Variants in ALKBH2 observed in about 807,000 individuals in gnomAD.
The protein encoded by ALKBH2 is alkB homolog 2, alpha-ketoglutarate dependent dioxygenase, also known as DNA oxidative demethylase ALKBH2.
Under a neutral mutation model 19.7 loss-of-function variants are expected in ALKBH2, and 19 were observed. That is an observed-to-expected ratio of 0.97 (90% CI 0.67 to 1.42). ALKBH2 has a LOEUF of 1.42. ALKBH2 is among the 40% of genes most tolerant of loss of function. The pLI, the probability that ALKBH2 is intolerant of heterozygous loss-of-function variation, is 0.00. For missense variants in ALKBH2, 310 were observed against 328.5 expected (o/e 0.94, Z 0.43); for synonymous variants, 135 against 131.2 (o/e 1.03, Z -0.20).
intron 3 of ALKBH2, chr12:109,089,748 CAAAAAAA>C (rs565703128): frequency 9.2e-5 from 37 of 402,784 alleles, no homozygotes; most frequent in South Asian, 9.0e-4. Context: ...AACCCTGTCT[CAAAAAAA>C]AAAAAGAAAG....
Position 109,092,706 on chromosome 12 carries a change from T to A in ALKBH2, c.81A>T (p.Pro27=). The change falls in exon 2 of 4, where the codon CCA becomes CCT. Residue 27 remains proline (P), a synonymous_variant. Transcript: ENST00000429722. ...QEEQEPTGEE[P]AVLGGDKEST... Reference sequence around the variant, plus strand: ...TTTCTTTGTCTCCTCCCAACACAGCTGGCTCTTCTCCAGTTGGCTCTTGCT... The same window carrying A: ...TTTCTTTGTCTCCTCCCAACACAGCAGGCTCTTCTCCAGTTGGCTCTTGCT... The A allele has an allele frequency of 6.2e-7, 1 of 1,614,060 alleles. No homozygotes were observed.
Position 109,092,430 on chromosome 12 carries a change from C to A in ALKBH2, c.280+77G>T, listed in dbSNP as rs1308391294. ...AATAATGGATCCTGAGTTCAGATTT[C>A]TCCAAACATACGATCATTAATTGCA... is the stretch of plus-strand genomic sequence containing the variant. On this transcript the variant is annotated intron_variant, in intron 2 of 3. Coordinates refer to ENST00000429722, the MANE Select transcript of ALKBH2 (RefSeq NM_001145374.2). The A allele has an allele frequency of 2.8e-6, 4 of 1,443,986 alleles. No homozygotes were observed. In the African/African-American group the frequency reaches 5.8e-5, roughly 21 times the overall value. 89.4% of individuals were successfully genotyped at this position (1,443,986 alleles called of 1,614,324 possible).
In ALKBH2 at chr12:109,088,291, C is replaced by T; in HGVS notation, c.701G>A (p.Trp234Ter). 1.9e-6 allele frequency: 3 copies of T among 1,614,164 alleles called. No homozygotes were observed. Among genetic ancestry groups the T allele is most frequent in the Non-Finnish European group, 2.5e-6 (3 of 1,180,034 alleles). The change falls in exon 4 of 4, where the codon TGG becomes TAG. Residue 234 changes from tryptophan (W) to a stop codon, truncating the protein, a stop_gained. Transcript: ENST00000429722. LOFTEE classifies it high-confidence loss of function. The surrounding 1 kb of genome is among the most constrained non-coding windows in gnomAD (Gnocchi z 4.2). ...LMMNHPTNTHWYHSLPVRKKV... is the reference protein window; with the variant it reads ...LMMNHPTNTH ...CTTTCTCACGGGAAGACTGTGGTAC[C>T]AGTGCGTGTTGGTCGGGTGGTTCAT...
chr12:109,089,409 G>C (rs1272880823), intron 3 of ALKBH2, among the ~76,000 whole-genome samples: 1 of 152,126 alleles, frequency 6.6e-6, no homozygotes, highest in Non-Finnish European at 1.5e-5. Context: ...GGTATTGGGG[G>C]GTGGGGGACA....
chr12:109,088,414 C>G lies in ALKBH2; in HGVS notation c.578G>C (p.Arg193Thr), dbSNP rs2042002304. The G allele has an allele frequency of 6.2e-7, 1 of 1,613,850 alleles. No homozygotes were observed. Among genetic ancestry groups the G allele is most frequent in the Admixed American group, 1.7e-5 (1 of 59,984 alleles). Residue 193 changes from arginine (R) to threonine (T), a missense_variant, in exon 4 of 4, where the codon AGA becomes ACA. Transcript: ENST00000429722. This position sits in a 1 kb window ranked among gnomAD's most constrained non-coding sequence, Gnocchi z 4.2. ...ATCCTTATGCCGGAAGACAAAGTCTCTGCAGGCACCGAAGGAGACAGAGGC... is the reference window on the plus strand; with the variant it reads ...ATCCTTATGCCGGAAGACAAAGTCTGTGCAGGCACCGAAGGAGACAGAGGC... ...PIASVSFGACRDFVFRHKDSR... is the reference protein window; with the variant it reads ...PIASVSFGACTDFVFRHKDSR...
Position 109,093,022 on chromosome 12 carries a change from A to G in ALKBH2, c.-151-85T>C, listed in dbSNP as rs141802675. 1,285 of 1,129,632 alleles carry G rather than the reference A, an allele frequency of 1.1e-3. 12 individuals are homozygous for G. In the African/African-American group the frequency reaches 0.019, roughly 17 times the overall value. 70.0% of individuals were successfully genotyped at this position (1,129,632 alleles called of 1,614,324 possible). A position where few individuals can be genotyped will look rare whatever the true frequency, so the allele number is the denominator to read the frequency against. On this transcript the variant is annotated intron_variant, in intron 1 of 3. Transcript: ENST00000429722. ...GGTCTCCCACGTCCACCTGTGCATCAGAATCAGCTGGCTAGCTTGCAAAAA... is the reference window on the plus strand; with the variant it reads ...GGTCTCCCACGTCCACCTGTGCATCGGAATCAGCTGGCTAGCTTGCAAAAA...
chr12:109,088,230 A>G lies in ALKBH2; in HGVS notation c.762T>C (p.Arg254=), dbSNP rs1482064186. Residue 254 remains arginine, a synonymous_variant, in exon 4 of 4, where the codon CGT becomes CGC. Coordinates refer to ENST00000429722, the MANE Select transcript of ALKBH2 (RefSeq NM_001145374.2). The surrounding 1 kb of genome is among the most constrained non-coding windows in gnomAD (Gnocchi z 4.2). ...VLAPRVNLTF[R]KILLTKK is the part of the protein sequence containing the mutation. The stretch of plus-strand genomic sequence containing the variant: ...TTTATTTTTTAGTAAGCAAAATTTT[A>G]CGAAAAGTCAGATTCACCCGTGGAG... The G allele has an allele frequency of 1.3e-6, 2 of 1,591,558 alleles. No individual in the cohort carries two copies. The highest frequency in any genetic ancestry group is 3.5e-5 in the Admixed American group (2 of 56,496).
In ALKBH2 at chr12:109,088,394, T is replaced by G; in HGVS notation, c.598A>C (p.Lys200Gln). Residue 200 changes from lysine (K) to glutamine (Q), a missense_variant, in exon 4 of 4, where the codon AAG becomes CAG. Transcript: ENST00000429722. This position sits in a 1 kb window ranked among gnomAD's most constrained non-coding sequence, Gnocchi z 4.2. ...GAGGGGCTTTTCCCACGGGAATCCTTATGCCGGAAGACAAAGTCTCTGCAG... is the reference window on the plus strand; with the variant it reads ...GAGGGGCTTTTCCCACGGGAATCCTGATGCCGGAAGACAAAGTCTCTGCAG... ...GACRDFVFRH[K>Q]DSRGKSPSRR... 2 of 1,613,618 alleles carry G rather than the reference T, an allele frequency of 1.2e-6. No individual in the cohort carries two copies. The highest frequency in any genetic ancestry group is 1.7e-6 in the Non-Finnish European group (2 of 1,179,960).
intron 2 of ALKBH2, among the ~76,000 whole-genome samples, chr12:109,091,119 C>T (rs1484925243): frequency 2.0e-5 from 3 of 152,106 alleles, no homozygotes; most frequent in Non-Finnish European, 4.4e-5. Context: ...GTGAGCCAGG[C>T]GCGCTGGCTC....
rs1488467744 is a variant in ALKBH2, at chr12:109,092,764, C to T, written c.23G>A (p.Gly8Glu). The change falls in exon 2 of 4, where the codon GGG becomes GAG. Residue 8 changes from glycine to glutamate, a missense_variant. Transcript: ENST00000429722. MDRFLVK[G>E]AQGGLLRKQE... ...CTTCCTCAAAAGGCCCCCTTGAGCC[C>T]CTTTCACCAGGAATCTGTCCATCCT... 1.2e-6 allele frequency: 2 copies of T among 1,613,532 alleles called. No homozygotes were observed. The highest frequency in any genetic ancestry group is 2.2e-5 in the East Asian group (1 of 44,884).
intron 1 of ALKBH2, 61 bp downstream of exon 1, chr12:109,093,186 C>T (rs955841694): frequency 1.1e-5 from 2 of 183,598 alleles, no homozygotes; most frequent in African/African-American, 4.8e-5. Context: ...CCCACAGAGG[C>T]GAAGAGGTTT....
At chr12:109,092,485 A>ACG in intron 2 of ALKBH2, 22 bp downstream of exon 2, 1 of 1,541,378 alleles carries the variant, frequency 6.5e-7, no homozygotes, top group Non-Finnish European at 8.7e-7. Context: ...ACACACACAC[A>ACG]CACACACACC....
In ALKBH2 at chr12:109,092,721, T is replaced by G; in HGVS notation, c.66A>C (p.Pro22=). The change falls in exon 2 of 4, where the codon CCA becomes CCC. Residue 22 remains proline (P), a synonymous_variant. Transcript: ENST00000429722. ...CCAACACAGCTGGCTCTTCTCCAGT[T>G]GGCTCTTGCTCCTCCTGCTTCCTCA... ...GLLRKQEEQE[P]TGEEPAVLGG... 6.2e-7 allele frequency: 1 copy of G among 1,614,102 alleles called. No individual in the cohort carries two copies. The highest frequency in any genetic ancestry group is 8.5e-7 in the Non-Finnish European group (1 of 1,180,020).
intron 2 of ALKBH2, among the ~76,000 whole-genome samples, chr12:109,090,575 G>A (rs561542306): frequency 6.7e-6 from 1 of 150,108 alleles, no homozygotes; most frequent in Admixed American, 6.6e-5. Context: ...CCACAGGGGC[G>A]TGCCACCATG....
rs770528768 is a variant in ALKBH2, at chr12:109,088,290, C to T, written c.702G>A (p.Trp234Ter). The change falls in exon 4 of 4, where the codon TGG (tryptophan) becomes TGA (stop). Residue 234 changes from tryptophan to a stop codon, truncating the protein, a stop_gained. Transcript: ENST00000429722. LOFTEE classifies it high-confidence loss of function. This position sits in a 1 kb window ranked among gnomAD's most constrained non-coding sequence, Gnocchi z 4.2. ...LMMNHPTNTHWYHSLPVRKKV... is the reference protein window; with the variant it reads ...LMMNHPTNTH ...TCTTTCTCACGGGAAGACTGTGGTA[C>T]CAGTGCGTGTTGGTCGGGTGGTTCA... 1 of 1,614,166 alleles carries T rather than the reference C, an allele frequency of 6.2e-7. No individual in the cohort carries two copies. The highest frequency in any genetic ancestry group is 1.7e-5 in the Admixed American group (1 of 60,016).
At chr12:109,092,482 C>CACAT in intron 2 of ALKBH2, 25 bp downstream of exon 2, 2 of 1,538,466 alleles carry the variant, frequency 1.3e-6, no homozygotes, top group Non-Finnish European at 1.7e-6. Context: ...TGCACACACA[C>CACAT]ACACACACAC....
chr12:109,089,954 C>A, intron 3 of ALKBH2, 55 bp downstream of exon 3: 1 of 1,595,176 alleles, frequency 6.3e-7, no homozygotes, highest in African/African-American at 1.3e-5. Flanking sequence ...CTAAACACTT[C>A]CTTTTGGAGG....
intron 2 of ALKBH2, among the ~76,000 whole-genome samples, chr12:109,091,415 G>T (rs1191186363): frequency 1.3e-5 from 2 of 152,148 alleles, no homozygotes; most frequent in Non-Finnish European, 2.9e-5. Flanking sequence ...TGACGAGGGG[G>T]TCTCACTATG....
chr12:109,093,141 T>C, intron 1 of ALKBH2, 106 bp downstream of exon 1: 1 of 222,806 alleles, frequency 4.5e-6, no homozygotes, highest in Non-Finnish European at 8.7e-6. Context: ...GAAACTACAA[T>C]CCAAACCCTC....
Sources: gnomAD v4.1 joint callset for allele counts (sites outside exome capture counted in the v4.1 genomes callset) on GRCh38, gnomAD v4.1.1 for gene constraint, Gnocchi (gnomAD v3.1) non-coding constraint, MANE v1.5 for transcripts, NCBI Gene and HGNC (gene_info 2026-07-23, HGNC 2026-07-21) for gene names.